CLEC20A: variants seen among roughly 807,000 people sequenced by gnomAD.
The protein encoded by CLEC20A is C-type lectin domain containing 20A, also known as putative C-type lectin domain family 20 member A.
chr1:178,497,133 G>A (rs1649416368), upstream of CLEC20A: 2 of 395,566 alleles, frequency 5.1e-6, no homozygotes. Flanking sequence ...GTCGCTGCCA[G>A]CAGGGTGTGA....
At chr1:178,487,233 G>A (rs1008638938) in intron 5 of CLEC20A, among the ~76,000 whole-genome samples, 1 of 152,198 alleles carries the variant, frequency 6.6e-6, no homozygotes, top group African/African-American at 2.4e-5. Flanking sequence ...ACCCAATAGC[G>A]CGGCCCAGGT....
At chr1:178,499,473 G>C (rs901473128), upstream of CLEC20A, 15 of 151,780 alleles carry the variant, frequency 9.9e-5, no homozygotes, top group African/African-American at 3.6e-4. Context: ...CTGCCATCGC[G>C]GCCAGAATAA....
At chr1:178,479,688 C>T in intron 7 of CLEC20A, 73 bp from the exon 8 acceptor site, 1 of 397,138 alleles carries the variant, frequency 2.5e-6, no homozygotes, top group Non-Finnish European at 4.4e-6. Context: ...CTAAACTATC[C>T]ATCCGTATAC....
At chr1:178,480,808 T>G (rs1331218315) in intron 7 of CLEC20A, 2 of 150,410 alleles carry the variant, frequency 1.3e-5, no homozygotes, top group African/African-American at 2.5e-5. Flanking sequence ...AAAAAAAAAG[T>G]AAACAACATA....
At chr1:178,491,236 C>T (rs992218264) in intron 3 of CLEC20A, among the ~76,000 whole-genome samples, 1 of 152,180 alleles carries the variant, frequency 6.6e-6, no homozygotes, top group East Asian at 1.9e-4. Context: ...AGATTCCAGA[C>T]AATGGAAGAT....
chr1:178,496,716 G>C (rs1163745841), intron 1 of CLEC20A, 184 bp downstream of exon 1: 8 of 397,236 alleles, frequency 2.0e-5, no homozygotes, highest in African/African-American at 4.1e-5. Flanking sequence ...TGTCTGGTTA[G>C]GGGCGATGAG....
At chr1:178,490,388 C>A in exon 4 of CLEC20A, 1 of 398,662 alleles carries the variant, frequency 2.5e-6, no homozygotes, top group South Asian at 1.3e-4. Context: ...AGGACCATGT[C>A]ATCACTTGGT....
At chr1:178,494,320 G>T in intron 2 of CLEC20A, 134 bp downstream of exon 2, 1 of 397,416 alleles carries the variant, frequency 2.5e-6, no homozygotes, top group Non-Finnish European at 4.4e-6. Flanking sequence ...TCAGGAGGCT[G>T]AGGCAGGAGA....
chr1:178,479,884 GA>G (rs1472597658), intron 7 of CLEC20A: 3 of 206,958 alleles, frequency 1.4e-5, no homozygotes, highest in African/African-American at 2.5e-5. Flanking sequence ...TTGTTCATCA[GA>G]ATCACTGGAG....
chr1:178,490,125 G>A (rs1271704952), exon 4 of CLEC20A: 1 of 398,590 alleles, frequency 2.5e-6, no homozygotes, highest in African/African-American at 2.1e-5. Context: ...GTACACTTTT[G>A]GGGAGTAGGT....
intron 5 of CLEC20A, chr1:178,484,386 C>T (rs1284692001): frequency 6.6e-6 from 1 of 152,084 alleles, no homozygotes; most frequent in Non-Finnish European, 1.5e-5. Flanking sequence ...TACAAAAATA[C>T]ATTTTAAAAC....
At chr1:178,497,383 C>A (rs978642260), upstream of CLEC20A, among the ~76,000 whole-genome samples, 1 of 152,168 alleles carries the variant, frequency 6.6e-6, no homozygotes, top group Non-Finnish European at 1.5e-5. Flanking sequence ...TGTGTAGAAA[C>A]TGGCTGTAAA....
At position 178,492,483 on chromosome 1, in the gene CLEC20A, T is replaced by C. The variant is rs945909424; in HGVS notation, c.463+18A>G. The C allele has an allele frequency of 1.0e-5, 4 of 397,916 alleles. No individual in the cohort carries two copies. Among genetic ancestry groups the C allele is most frequent in the Non-Finnish European group, 1.8e-5 (4 of 225,918 alleles). The allele number at this position is 397,916 out of a possible 1,614,324, so 24.6% of individuals were successfully genotyped here. The stretch of plus-strand genomic sequence containing the variant: ...CAAGCCAAATTCCCAGAAAAGGGAA[T>C]GGGGAGCAGGTATGTACCTGGCTTT... On this transcript the variant is annotated intron_variant, in intron 3 of 7. Coordinates refer to ENST00000623247, the Ensembl canonical transcript of CLEC20A.
chr1:178,489,268 C>T (rs1390373632), intron 4 of CLEC20A, among the ~76,000 whole-genome samples: 2 of 151,970 alleles, frequency 1.3e-5, no homozygotes, highest in Non-Finnish European at 2.9e-5. Context: ...GAGGCTGAAG[C>T]GTGAGAATTG....
intron 5 of CLEC20A, among the ~76,000 whole-genome samples, chr1:178,487,298 G>A (rs1466288958): frequency 6.6e-6 from 1 of 152,198 alleles, no homozygotes; most frequent in African/African-American, 2.4e-5. Flanking sequence ...TAGATGAGAA[G>A]ACAGGCTGTT....
At chr1:178,492,678 A>G (rs113219256) in intron 2 of CLEC20A, 112 bp from the exon 3 acceptor site, 9,435 of 397,928 alleles carry the variant, frequency 0.024, 782 homozygotes, top group African/African-American at 0.17. Context: ...AGGCTGGTCC[A>G]TCCCTTTCCA....
chr1:178,495,061 C>T (rs1029623194), intron 1 of CLEC20A, among the ~76,000 whole-genome samples: 2 of 152,216 alleles, frequency 1.3e-5, no homozygotes, highest in African/African-American at 4.8e-5. Flanking sequence ...CCCTCATCTC[C>T]CCAGTCCCTT....
At chr1:178,495,881 A>G (rs1649376736) in intron 1 of CLEC20A, 2 of 152,566 alleles carry the variant, frequency 1.3e-5, no homozygotes, top group Non-Finnish European at 1.5e-5. Context: ...GGAGGGAGGC[A>G]GAGAAGAATG....
intron 7 of CLEC20A, chr1:178,480,152 A>C (rs1648930511): frequency 6.6e-6 from 1 of 152,156 alleles, no homozygotes; most frequent in African/African-American, 2.4e-5. Context: ...TAAGTTGGTT[A>C]CAGGTGTTTC....
Sources: gnomAD v4.1 joint callset for allele counts (sites outside exome capture counted in the v4.1 genomes callset) on GRCh38, gnomAD v4.1.1 for gene constraint, MANE v1.5 for transcripts, NCBI Gene and HGNC (gene_info 2026-07-23, HGNC 2026-07-21) for gene names.